The following POPDC1 variants were observed in gnomAD, a reference collection of about 807,000 sequenced individuals.
The protein encoded by POPDC1 is popeye domain cAMP effector 1.
chr6:105,114,861 T>C, the POPDC1 span, among the ~76,000 whole-genome samples: 1 of 152,228 alleles, frequency 6.6e-6, no homozygotes, highest in Non-Finnish European at 1.5e-5. Flanking sequence ...TCTTTGGGAA[T>C]AATCCATTTC....
chr6:105,122,116 C>T, the POPDC1 span, among the ~76,000 whole-genome samples: 1 of 152,178 alleles, frequency 6.6e-6, no homozygotes, highest in African/African-American at 2.4e-5. Context: ...CTATTTATTA[C>T]TCTTGAGGAT....
At chr6:105,135,952 T>C in the POPDC1 span, among the ~76,000 whole-genome samples, 1 of 152,278 alleles carries the variant, frequency 6.6e-6, no homozygotes. Flanking sequence ...TCAAGAGAAA[T>C]TATTTTTCCC....
the POPDC1 span, chr6:105,098,688 A>C: frequency 6.6e-6 from 1 of 152,234 alleles, no homozygotes; most frequent in Non-Finnish European, 1.5e-5. Flanking sequence ...GCACTATGAC[A>C]TCACAGTTAC....
At chr6:105,135,829 T>A in the POPDC1 span, among the ~76,000 whole-genome samples, 3 of 152,164 alleles carry the variant, frequency 2.0e-5, no homozygotes, top group Non-Finnish European at 4.4e-5. Flanking sequence ...TTACTTTGAT[T>A]ACCACTTAAT....
the POPDC1 span, among the ~76,000 whole-genome samples, chr6:105,107,024 G>C: frequency 6.6e-6 from 1 of 152,010 alleles, no homozygotes; most frequent in Admixed American, 6.6e-5. Flanking sequence ...TGTTGTGCTA[G>C]CAAATACTAG....
At chr6:105,116,556 A>AT in the POPDC1 span, 2 of 645,180 alleles carry the variant, frequency 3.1e-6, no homozygotes, top group East Asian at 6.2e-5. Flanking sequence ...TCATTACAAA[A>AT]TACTTTCTCC....
chr6:105,099,500 G>A, the POPDC1 span: 1 of 152,180 alleles, frequency 6.6e-6, no homozygotes. Flanking sequence ...AAATAGACAT[G>A]ACCAGCATGG....
the POPDC1 span, chr6:105,124,734 G>A: frequency 1.4e-5 from 15 of 1,053,956 alleles, no homozygotes; most frequent in Admixed American, 2.4e-4. Flanking sequence ...ATCATCTTAT[G>A]CGATTTTATT....
At chr6:105,108,910 G>C in the POPDC1 span, among the ~76,000 whole-genome samples, 1 of 152,224 alleles carries the variant, frequency 6.6e-6, no homozygotes, top group Non-Finnish European at 1.5e-5. Flanking sequence ...ACAACAGTTT[G>C]AAGGTAGAAG....
the POPDC1 span, among the ~76,000 whole-genome samples, chr6:105,105,674 G>A: frequency 2.9e-3 from 446 of 152,276 alleles, 1 homozygote; most frequent in African/African-American, 9.8e-3. Flanking sequence ...ATATTTCAAG[G>A]GAATGCTCTT....
the POPDC1 span, chr6:105,101,171 G>T: frequency 1.2e-6 from 2 of 1,613,118 alleles, no homozygotes; most frequent in African/African-American, 1.3e-5. Context: ...TTCTTCTATC[G>T]GTTTCATCTT....
the POPDC1 span, chr6:105,099,523 C>T: frequency 6.6e-6 from 1 of 152,206 alleles, no homozygotes; most frequent in East Asian, 1.9e-4. Flanking sequence ...AATCAATGAG[C>T]TTCATTCAAC....
At chr6:105,113,525 T>G in the POPDC1 span, among the ~76,000 whole-genome samples, 2 of 152,170 alleles carry the variant, frequency 1.3e-5, no homozygotes, top group Non-Finnish European at 2.9e-5. Context: ...CTTGCTCCTT[T>G]AGAGCAGGAG....
chr6:105,100,845 A>G, the POPDC1 span: 57 of 297,936 alleles, frequency 1.9e-4, no homozygotes, highest in East Asian at 2.2e-3. Context: ...GTGAAAATAT[A>G]TATCTCAAAA....
the POPDC1 span, among the ~76,000 whole-genome samples, chr6:105,104,798 T>C: frequency 6.6e-6 from 1 of 152,088 alleles, no homozygotes; most frequent in African/African-American, 2.4e-5. Flanking sequence ...ATCCAATCAG[T>C]AAAAGGAATC....
At chr6:105,136,984 C>T in the POPDC1 span, 1 of 152,324 alleles carries the variant, frequency 6.6e-6, no homozygotes, top group Non-Finnish European at 1.5e-5. Context: ...TGGTCCCTGG[C>T]GGGGAGCCTG....
chr6:105,111,537 T>C, the POPDC1 span, among the ~76,000 whole-genome samples: 1 of 152,230 alleles, frequency 6.6e-6, no homozygotes, highest in African/African-American at 2.4e-5. Flanking sequence ...ATATTCCATG[T>C]TTGCAAACAT....
chr6:105,133,209 G>T, the POPDC1 span: 7 of 646,028 alleles, frequency 1.1e-5, no homozygotes, highest in African/African-American at 9.2e-5. Context: ...TAAGCTAATT[G>T]ATATACTGCT....
At chr6:105,129,505 T>C in the POPDC1 span, 1 of 1,600,312 alleles carries the variant, frequency 6.2e-7, no homozygotes, top group Non-Finnish European at 8.5e-7. Flanking sequence ...GGGTACATCC[T>C]GTTGAAGAGC....
Sources: allele counts gnomAD v4.1 joint callset (sites outside exome capture counted in the v4.1 genomes callset), GRCh38; gene constraint gnomAD v4.1.1; transcripts MANE v1.5; gene names NCBI Gene and HGNC (gene_info 2026-07-23, HGNC 2026-07-21).